The following HSPA4L variants were observed in gnomAD, a reference collection of about 807,000 sequenced individuals.
The protein encoded by HSPA4L is heat shock protein family A (Hsp70) member 4 like.
In HSPA4L, 48 loss-of-function variants were observed where a neutral mutation model predicts 100.3. The observed-to-expected ratio is 0.48, with a 90% CI of 0.38 to 0.61. The LOEUF (loss-of-function observed/expected upper bound fraction) is 0.61, where lower values mean the gene tolerates loss of function less well. Among genes scored for constraint, HSPA4L ranks in the 20% least tolerant of loss-of-function variants. HSPA4L has a pLI of 0.00. For synonymous variants in HSPA4L, 319 were observed against 328.2 expected (o/e 0.97, Z 0.30); for missense variants, 886 against 988.6 (o/e 0.90, Z 1.39).
chr4:127,795,231 G>C (rs1732985672), intron 2 of HSPA4L, among the ~76,000 whole-genome samples: 1 of 152,082 alleles, frequency 6.6e-6, no homozygotes, highest in Non-Finnish European at 1.5e-5. Context: ...AGAAATGCTT[G>C]GGACCAGAAG....
At position 127,805,669 on chromosome 4, in the gene HSPA4L, T is replaced by C. The variant is rs1320996368; in HGVS notation, c.1138-18T>C. 1 of 1,557,000 alleles carries C rather than the reference T, an allele frequency of 6.4e-7. No homozygotes were observed. The highest frequency in any genetic ancestry group is 1.4e-5 in the African/African-American group (1 of 73,750). Reference sequence around the variant, plus strand: ...TTTGTATTTGTTGATTTAAATATGGTATACATCTTATTTTCAGTGTGCGAT... The same window carrying C: ...TTTGTATTTGTTGATTTAAATATGGCATACATCTTATTTTCAGTGTGCGAT... On this transcript the variant is annotated intron_variant, in intron 9 of 18. Transcript: ENST00000296464.
In HSPA4L at chr4:127,782,500, G is replaced by A. The variant is rs1433262180; in HGVS notation, c.-51G>A. The A allele has an allele frequency of 2.2e-5, 32 of 1,470,352 alleles. No individual in the cohort carries two copies. The highest frequency in any genetic ancestry group is 3.4e-5 in the Admixed American group (2 of 59,294). 91.1% of individuals were successfully genotyped at this position (1,470,352 alleles called of 1,614,324 possible). A position where few individuals can be genotyped will look rare whatever the true frequency, so the allele number is the denominator to read the frequency against. On this transcript the variant is annotated 5_prime_UTR_variant, in exon 1 of 19. Transcript: ENST00000296464. ...CAGCAATAGCCCAGAAGAGGACACG[G>A]TTCCCGTACCGAAGGGTTCAGTACC...
chr4:127,822,728 T>C, intron 14 of HSPA4L, 41 bp from the exon 15 acceptor site: 4 of 1,600,994 alleles, frequency 2.5e-6, no homozygotes, highest in Non-Finnish European at 3.4e-6. Flanking sequence ...ATTTCCCTAA[T>C]GCATATTCTT....
At chr4:127,781,821 A>T (rs973043651), upstream of HSPA4L, 1 of 263,238 alleles carries the variant, frequency 3.8e-6, no homozygotes, top group Non-Finnish European at 7.7e-6. Context: ...CGGGCTGCAC[A>T]TGGGCCCCTC....
intron 1 of HSPA4L, chr4:127,783,411 C>T: frequency 1.8e-6 from 2 of 1,081,110 alleles, no homozygotes; most frequent in Non-Finnish European, 1.2e-6. Flanking sequence ...AGTGAATTGC[C>T]GGAGTCGGGG....
intron 6 of HSPA4L, 59 bp from the exon 7 acceptor site, chr4:127,803,570 T>C (rs1733254889): frequency 1.1e-5 from 15 of 1,423,794 alleles, no homozygotes; most frequent in South Asian, 1.7e-5. Context: ...AGGTTTTTCT[T>C]TTTTTTTTGG....
chr4:127,820,486 A>G lies in HSPA4L; in HGVS notation c.1733A>G (p.Lys578Arg). The G allele has an allele frequency of 6.2e-7, 1 of 1,602,792 alleles. No individual in the cohort carries two copies. The highest frequency in any genetic ancestry group is 8.5e-7 in the Non-Finnish European group (1 of 1,175,328). ...LNQTLKKGKV[K>R]SIDLPIQSSL... ...CAGACACTTAAAAAAGGAAAAGTCA[A>G]AAGTATTGATCTACCGATCCAGAGT... The change falls in exon 14 of 19, where the codon AAA (lysine) becomes AGA (arginine). Residue 578 changes from lysine to arginine, a missense_variant. Transcript: ENST00000296464.
intron 14 of HSPA4L, among the ~76,000 whole-genome samples, chr4:127,820,789 A>G (rs1385441748): frequency 3.3e-5 from 5 of 152,246 alleles, no homozygotes; most frequent in South Asian, 2.1e-4. Context: ...TGCCTCCTCT[A>G]TAGAGAAAGA....
intron 1 of HSPA4L, chr4:127,783,424 A>C: frequency 8.3e-7 from 1 of 1,206,838 alleles, no homozygotes; most frequent in Non-Finnish European, 1.1e-6. Flanking sequence ...AGTCGGGGGC[A>C]GCTGTCCCGT....
At chr4:127,793,221 A>T (rs1411289232) in intron 1 of HSPA4L, among the ~76,000 whole-genome samples, 2 of 152,210 alleles carry the variant, frequency 1.3e-5, no homozygotes, top group African/African-American at 2.4e-5. Context: ...AGACAAATAG[A>T]TATTAAATGT....
intron 10 of HSPA4L, among the ~76,000 whole-genome samples, chr4:127,807,422 C>T (rs952396724): frequency 6.6e-6 from 1 of 151,922 alleles, no homozygotes; most frequent in African/African-American, 2.4e-5. Context: ...TGCACACTGA[C>T]GTTTTTAGGG....
At position 127,833,474 on chromosome 4, in the gene HSPA4L, G is replaced by A. The variant is rs1734137170; in HGVS notation, c.*600G>A. 1 of 152,198 alleles carries A rather than the reference G, an allele frequency of 6.6e-6. No homozygotes were observed. The highest frequency in any genetic ancestry group is 1.5e-5 in the Non-Finnish European group (1 of 68,000). 9.4% of individuals were successfully genotyped at this position (152,198 alleles called of 1,614,324 possible). A position where few individuals can be genotyped will look rare whatever the true frequency, so the allele number is the denominator to read the frequency against. On this transcript the variant is annotated 3_prime_UTR_variant, in exon 19 of 19. Coordinates refer to ENST00000296464, the MANE Select transcript of HSPA4L (RefSeq NM_014278.4). ...TGAAAGGGAACACACCCAATTTTAT[G>A]TTAAGGTGAAACCAGCAGTTTGCTT...
intron 1 of HSPA4L, among the ~76,000 whole-genome samples, chr4:127,789,565 G>A (rs950204623): frequency 3.3e-5 from 5 of 151,772 alleles, no homozygotes; most frequent in African/African-American, 1.2e-4. Flanking sequence ...GGAGAATGGC[G>A]TGAACCCGGG....
At chr4:127,813,288 G>A (rs541841842) in intron 12 of HSPA4L, 2 of 698,008 alleles carry the variant, frequency 2.9e-6, no homozygotes, top group African/African-American at 3.6e-5. Context: ...TTTTTTTAAG[G>A]TTGCTTTTTG....
At position 127,838,202 on chromosome 4, in the gene HSPA4L, A is replaced by T. The variant is rs1026772794; in HGVS notation, c.*5328A>T. The T allele has an allele frequency of 6.6e-6, 1 of 152,192 alleles. No homozygotes were observed. Among genetic ancestry groups the T allele is most frequent in the Non-Finnish European group, 1.5e-5 (1 of 68,030 alleles). 9.4% of individuals were successfully genotyped at this position (152,192 alleles called of 1,614,324 possible). A position where few individuals can be genotyped will look rare whatever the true frequency, so the allele number is the denominator to read the frequency against. On this transcript the variant is annotated 3_prime_UTR_variant, in exon 19 of 19. Coordinates refer to ENST00000296464, the MANE Select transcript of HSPA4L (RefSeq NM_014278.4). ...TTTTTTTCTAAATTCAAAGGTAATT[A>T]TTCTAAACAATAAAAGGGCACCTGG...
rs1297443218 is a variant in HSPA4L at position 127,808,099 on chromosome 4, C to T, written c.1348C>T (p.His450Tyr). Residue 450 changes from histidine to tyrosine, a missense_variant, in exon 11 of 19, where the codon CAT becomes TAT. Coordinates refer to ENST00000296464, the MANE Select transcript of HSPA4L (RefSeq NM_014278.4). ...ACTAGAAGCATTTTATACTAATTTA[C>T]ATGAAGTGCCTTATCCTGATGCAAG... ...FELEAFYTNL[H>Y]EVPYPDARIG... 3 of 1,611,374 alleles carry T rather than the reference C, an allele frequency of 1.9e-6. No homozygotes were observed. The Admixed American group carries it at 5.0e-5, about 27-fold the overall frequency.
chr4:127,805,824 T>G (rs924911988), intron 10 of HSPA4L, 31 bp downstream of exon 10: 2 of 1,429,610 alleles, frequency 1.4e-6, no homozygotes, highest in Admixed American at 1.7e-5. Flanking sequence ...TGATTAGAGC[T>G]TGTCATAAAT....
intron 18 of HSPA4L, among the ~76,000 whole-genome samples, chr4:127,831,642 A>G (rs190969443): frequency 1.3e-5 from 2 of 152,166 alleles, no homozygotes; most frequent in East Asian, 3.9e-4. Flanking sequence ...TTAAAGATGT[A>G]TACAGTGTAT....
intron 1 of HSPA4L, chr4:127,783,609 TA>T: frequency 6.5e-7 from 1 of 1,534,776 alleles, no homozygotes; most frequent in Non-Finnish European, 8.7e-7. Context: ...AGTTGCTGCT[TA>T]TAGGCTGCTG....
Sources: gnomAD v4.1 joint callset for allele counts (sites outside exome capture counted in the v4.1 genomes callset) on GRCh38, gnomAD v4.1.1 for gene constraint, MANE v1.5 for transcripts, NCBI Gene and HGNC (gene_info 2026-07-23, HGNC 2026-07-21) for gene names.